CCDC148: variants seen among roughly 807,000 people sequenced by gnomAD.
CCDC148 encodes the protein coiled-coil domain containing 148.
In CCDC148, 89 loss-of-function variants were observed where a neutral mutation model predicts 85.7. That is an observed-to-expected ratio of 1.04 (90% confidence interval 0.87 to 1.24). The LOEUF (loss-of-function observed/expected upper bound fraction) is 1.24. Ranked by LOEUF, CCDC148 falls within the 50% of genes most tolerant of loss-of-function variation. CCDC148 has a pLI of 0.00. For missense variants in CCDC148, 692 were observed against 671.7 expected, an observed-to-expected ratio of 1.03 and a Z score of -0.33; for synonymous variants, 230 against 213.9, an observed-to-expected ratio of 1.08 and a Z score of -0.66.
chr2:158,191,522 C>A (rs953589096), intron 11 of CCDC148, among the ~76,000 whole-genome samples: 1 of 151,854 alleles, frequency 6.6e-6, no homozygotes, highest in African/African-American at 2.4e-5. Context: ...TTTAAGTAAC[C>A]CTTCTAATCC....
intron 2 of CCDC148, among the ~76,000 whole-genome samples, chr2:158,345,522 ACAAACT>A (rs1008822156): frequency 6.6e-6 from 1 of 152,210 alleles, no homozygotes; most frequent in African/African-American, 2.4e-5. Flanking sequence ...GGGAATACTG[ACAAACT>A]TAAAAACTGT....
At chr2:158,237,275 A>G (rs1688151086) in intron 10 of CCDC148, among the ~76,000 whole-genome samples, 3 of 152,136 alleles carry the variant, frequency 2.0e-5, no homozygotes, top group African/African-American at 4.8e-5. Context: ...AGACTTCTAG[A>G]TTCTATTCTG....
At chr2:158,335,745 G>A (rs1463315468) in intron 7 of CCDC148, among the ~76,000 whole-genome samples, 1 of 151,962 alleles carries the variant, frequency 6.6e-6, no homozygotes, top group East Asian at 1.9e-4. Flanking sequence ...GATTTGGGTG[G>A]GGACACAGCC....
At chr2:158,395,223 T>C (rs1404346128) in intron 1 of CCDC148, among the ~76,000 whole-genome samples, 8 of 152,082 alleles carry the variant, frequency 5.3e-5, no homozygotes, top group Non-Finnish European at 1.0e-4. Flanking sequence ...TTAACAAACT[T>C]CTGTGCCCAC....
chr2:158,331,430 C>T lies in CCDC148; in HGVS notation c.764+7296G>A, dbSNP rs180801045. On this transcript the variant is annotated intron_variant, in intron 7 of 13. Transcript: ENST00000283233. Reference sequence around the variant, plus strand: ...CTGAGGAGTGCTTTACTTCCAACTACGTGGTCAATTTTGGAATAAGTGTGG... The same window carrying T: ...CTGAGGAGTGCTTTACTTCCAACTATGTGGTCAATTTTGGAATAAGTGTGG... Among the ~76,000 whole-genome samples the T allele has an allele frequency of 8.5e-4, 130 of 152,118 alleles. 1 individual carries two copies. Among genetic ancestry groups the T allele is most frequent in the Middle Eastern group, 3.4e-3 (1 of 294 alleles).
At chr2:158,246,593 T>G (rs888084629) in intron 10 of CCDC148, among the ~76,000 whole-genome samples, 2 of 152,238 alleles carry the variant, frequency 1.3e-5, no homozygotes, top group Admixed American at 1.3e-4. Context: ...TGGGACCCAG[T>G]ATAGGTCTGC....
At chr2:158,244,010 C>A (rs184374898) in intron 10 of CCDC148, among the ~76,000 whole-genome samples, 1 of 152,086 alleles carries the variant, frequency 6.6e-6, no homozygotes, top group Non-Finnish European at 1.5e-5. Flanking sequence ...TAACAGTGAT[C>A]CATCCTAATT....
chr2:158,322,300 T>G (rs528278533), intron 7 of CCDC148, among the ~76,000 whole-genome samples: 1 of 152,132 alleles, frequency 6.6e-6, no homozygotes, highest in South Asian at 2.1e-4. Context: ...CAGTCATACA[T>G]TGTAATACTA....
intron 1 of CCDC148, among the ~76,000 whole-genome samples, chr2:158,371,727 T>C (rs914778155): frequency 2.0e-5 from 3 of 151,776 alleles, no homozygotes; most frequent in Non-Finnish European, 2.9e-5. Context: ...TGTATACATA[T>C]ATATATATTC....
In CCDC148 at chr2:158,313,753, C is replaced by T. The variant is rs1692150440; in HGVS notation, c.903+3G>A. ...CCAGTATGTAGGTAGGTCCAGTACT[C>T]ACCAAATCATGCCTAGATTTGTGAG... On this transcript the variant is annotated splice_donor_region_variant and intron_variant, in intron 8 of 13. Coordinates refer to ENST00000283233, the MANE Select transcript of CCDC148 (RefSeq NM_138803.4). The T allele has an allele frequency of 6.2e-7, 1 of 1,613,274 alleles. No homozygotes were observed. The highest frequency in any genetic ancestry group is 2.2e-5 in the East Asian group (1 of 44,826).
intron 13 of CCDC148, among the ~76,000 whole-genome samples, chr2:158,172,834 T>C (rs1342077874): frequency 6.6e-6 from 1 of 152,094 alleles, no homozygotes; most frequent in Non-Finnish European, 1.5e-5. Context: ...TTTTCATTTA[T>C]AGCTGATTGG....
intron 9 of CCDC148, among the ~76,000 whole-genome samples, chr2:158,278,256 G>A (rs1172384462): frequency 1.3e-5 from 2 of 152,086 alleles, no homozygotes; most frequent in Non-Finnish European, 2.9e-5. Context: ...TCTCACTAGG[G>A]AGTGCCAGAC....
intron 7 of CCDC148, among the ~76,000 whole-genome samples, chr2:158,323,198 G>A (rs530540261): frequency 2.6e-5 from 4 of 152,144 alleles, no homozygotes; most frequent in Admixed American, 2.6e-4. Flanking sequence ...ATCCTTTAAA[G>A]CTGTGCTGTC....
intron 1 of CCDC148, among the ~76,000 whole-genome samples, chr2:158,400,847 TAAAC>T (rs1379469670): frequency 6.6e-6 from 1 of 151,936 alleles, no homozygotes; most frequent in Non-Finnish European, 1.5e-5. Context: ...ACAAAGAACT[TAAAC>T]AAATTTACAA....
intron 11 of CCDC148, among the ~76,000 whole-genome samples, chr2:158,208,933 A>G (rs1051093067): frequency 2.6e-5 from 4 of 152,188 alleles, no homozygotes; most frequent in African/African-American, 9.6e-5. Flanking sequence ...ACGCTGTAAA[A>G]CTTATATTAG....
At chr2:158,182,540 A>G (rs1365164564) in intron 11 of CCDC148, among the ~76,000 whole-genome samples, 1 of 152,122 alleles carries the variant, frequency 6.6e-6, no homozygotes, top group African/African-American at 2.4e-5. Context: ...GAGACAAACA[A>G]GTCCTGCAGC....
intron 2 of CCDC148, among the ~76,000 whole-genome samples, chr2:158,350,765 A>C (rs887103523): frequency 6.6e-6 from 1 of 152,242 alleles, no homozygotes; most frequent in African/African-American, 2.4e-5. Flanking sequence ...TAATTGACAT[A>C]TTGTAATTGT....
intron 10 of CCDC148, among the ~76,000 whole-genome samples, chr2:158,232,815 T>G (rs1687916583): frequency 6.6e-6 from 1 of 152,116 alleles, no homozygotes; most frequent in Non-Finnish European, 1.5e-5. Flanking sequence ...GTTCCTTGCA[T>G]CCTATTTTTA....
chr2:158,445,723 T>C (rs1290438097), intron 1 of CCDC148, among the ~76,000 whole-genome samples: 4 of 152,140 alleles, frequency 2.6e-5, no homozygotes, highest in African/African-American at 9.6e-5. Flanking sequence ...TATTTCCAAA[T>C]GTATTTATTT....
Sources: allele counts gnomAD v4.1 joint callset (sites outside exome capture counted in the v4.1 genomes callset), GRCh38; gene constraint gnomAD v4.1.1; transcripts MANE v1.5; gene names NCBI Gene and HGNC (gene_info 2026-07-23, HGNC 2026-07-21).